The following KCNC3 variants were observed in gnomAD, a reference collection of about 807,000 sequenced individuals.
The protein encoded by KCNC3 is voltage-gated potassium channel KCNC3.
KCNC3 carries 22 observed loss-of-function variants against 43.9 expected under a neutral mutation model. The observed-to-expected ratio is 0.50, with a 90% CI of 0.36 to 0.72. KCNC3 has a LOEUF of 0.72. Ranked by LOEUF, KCNC3 falls within the 30% of genes least tolerant of loss-of-function variation. KCNC3 has a pLI of 0.00. For missense variants in KCNC3, 829 were observed against 1,073.8 expected, an observed-to-expected ratio of 0.77 and a Z score of 3.19; for synonymous variants, 492 against 488.0, an observed-to-expected ratio of 1.01 and a Z score of -0.11.
intron 4 of KCNC3, among the ~76,000 whole-genome samples, chr19:50,317,060 C>T (rs1402336091): frequency 6.6e-6 from 1 of 151,430 alleles, no homozygotes; most frequent in African/African-American, 2.4e-5. Context: ...ACACCCTCTC[C>T]CCCTCAATCC....
intron 4 of KCNC3, among the ~76,000 whole-genome samples, chr19:50,317,283 G>A (rs556033302): frequency 4.6e-4 from 70 of 152,180 alleles, no homozygotes; most frequent in African/African-American, 1.5e-3. Context: ...CTAGGAGCCC[G>A]GAAGCCTGGG....
intron 1 of KCNC3, among the ~76,000 whole-genome samples, chr19:50,327,328 A>G (rs2037119170): frequency 6.6e-6 from 1 of 152,100 alleles, no homozygotes; most frequent in African/African-American, 2.4e-5. Context: ...TTATGGGGAA[A>G]GTCCTTGAGA....
chr19:50,329,128 C>A lies in KCNC3; in HGVS notation c.-46G>T, dbSNP rs1391646763. The A allele has an allele frequency of 4.4e-5, 17 of 386,596 alleles. No individual in the cohort carries two copies. The highest frequency in any genetic ancestry group is 1.2e-4 in the Admixed American group (2 of 17,090). 23.9% of individuals were successfully genotyped at this position (386,596 alleles called of 1,614,324 possible). A position where few individuals can be genotyped will look rare whatever the true frequency, so the allele number is the denominator to read the frequency against. ...AGGGGCGGGGACGCAGGGGCGGGGA[C>A]ACGGGGGGAGAGACCGACGGGATTG... On this transcript the variant is annotated 5_prime_UTR_variant, in exon 1 of 5. Transcript: ENST00000477616.
At position 50,324,091 on chromosome 19, in the gene KCNC3, CAGGG is replaced by C. The variant is rs528774297; in HGVS notation, c.871-13_871-10del. On this transcript the variant is annotated splice_polypyrimidine_tract_variant and intron_variant, in intron 1 of 4. Coordinates refer to ENST00000477616, the MANE Select transcript of KCNC3 (RefSeq NM_004977.3). The surrounding 1 kb of genome is among the most constrained non-coding windows in gnomAD (Gnocchi z 4.1). ...GAGGCGAAGGCCACATACTGCAGGG[CAGGG>C]AGGGAGAGAGAGGGGGAGAGGTGAC... 92 of 1,582,088 alleles carry C rather than the reference CAGGG, an allele frequency of 5.8e-5. No individual in the cohort carries two copies. The Admixed American group carries it at 7.5e-4, about 13-fold the overall frequency.
In KCNC3 at chr19:50,315,045, G is replaced by T; in HGVS notation, c.*1070C>A. On this transcript the variant is annotated 3_prime_UTR_variant, in exon 5 of 5. Coordinates refer to ENST00000477616, the MANE Select transcript of KCNC3 (RefSeq NM_004977.3). ...GGGGGAAGCACGAAGATGGGGTGCAGGGAAGGGTCAGACAGAGAGACCCAA... is the reference window on the plus strand; with the variant it reads ...GGGGGAAGCACGAAGATGGGGTGCATGGAAGGGTCAGACAGAGAGACCCAA... The T allele has an allele frequency of 4.2e-6, 1 of 237,520 alleles. No homozygotes were observed. Among genetic ancestry groups the T allele is most frequent in the South Asian group, 4.1e-5 (1 of 24,644 alleles). The allele number at this position is 237,520 out of a possible 1,614,324, so 14.7% of individuals were successfully genotyped here. A position where few individuals can be genotyped will look rare whatever the true frequency, so the allele number is the denominator to read the frequency against.
rs894005771 is a variant in KCNC3, at chr19:50,313,932, T to G, written c.*2183A>C. The G allele has an allele frequency of 6.6e-6, 1 of 151,618 alleles. No homozygotes were observed. The highest frequency in any genetic ancestry group is 1.5e-5 in the Non-Finnish European group (1 of 67,916). The allele number at this position is 151,618 out of a possible 1,614,324, so 9.4% of individuals were successfully genotyped here. On this transcript the variant is annotated 3_prime_UTR_variant, in exon 5 of 5. Transcript: ENST00000477616. ...GTGCAGAGGTTAAGTCGCAGGAGTG[T>G]GTGGGGATTGGGAGATGTGGCGTGC... is the stretch of plus-strand genomic sequence containing the variant.
rs1568573977 is a variant in KCNC3, at chr19:50,328,828, G to GCCA, written c.252_254dup (p.Gly85dup). 6 of 1,494,438 alleles carry GCCA rather than the reference G, an allele frequency of 4.0e-6. No individual in the cohort carries two copies. In the South Asian group the frequency reaches 5.0e-5, roughly 12 times the overall value. The allele number at this position is 1,494,438 out of a possible 1,614,324, so 92.6% of individuals were successfully genotyped here. On this transcript the variant is annotated inframe_insertion, in exon 1 of 5. Coordinates refer to ENST00000477616, the MANE Select transcript of KCNC3 (RefSeq NM_004977.3). ...CGTTGATCACGATCTTGCCGCTGTCGCCACCGCCGCCGCCGTGCCGCCCCA... is the reference window on the plus strand; with the variant it reads ...CGTTGATCACGATCTTGCCGCTGTCGCCACCACCGCCGCCGCCGTGCCGCCCCA...
Position 50,312,906 on chromosome 19 carries a change from G to A in KCNC3, c.*3209C>T, listed in dbSNP as rs917970548. 3.6e-4 allele frequency: 55 copies of A among 151,664 alleles called. No individual in the cohort carries two copies. Among genetic ancestry groups the A allele is most frequent in the African/African-American group, 1.3e-3 (53 of 41,312 alleles). The allele number at this position is 151,664 out of a possible 1,614,324, so 9.4% of individuals were successfully genotyped here. A position where few individuals can be genotyped will look rare whatever the true frequency, so the allele number is the denominator to read the frequency against. ...AAAACCCGCCCCACCCCTCACCCCT[G>A]CTTCACCAGGGTTTAGGGTCCGAGG... On this transcript the variant is annotated 3_prime_UTR_variant, in exon 5 of 5. Coordinates refer to ENST00000477616, the MANE Select transcript of KCNC3 (RefSeq NM_004977.3).
At chr19:50,326,772 T>G (rs1307469983) in intron 1 of KCNC3, among the ~76,000 whole-genome samples, 2 of 151,970 alleles carry the variant, frequency 1.3e-5, no homozygotes, top group Non-Finnish European at 2.9e-5. Flanking sequence ...TCATTTAGCC[T>G]AGGAAGTTAT....
Position 50,320,523 on chromosome 19 carries a change from CT to C in KCNC3, c.2170+69del, listed in dbSNP as rs1187341838. 2.3e-5 allele frequency: 34 copies of C among 1,461,514 alleles called. No homozygotes were observed. In the East Asian group the frequency reaches 5.8e-4, roughly 25 times the overall value. 90.5% of individuals were successfully genotyped at this position (1,461,514 alleles called of 1,614,324 possible). A position where few individuals can be genotyped will look rare whatever the true frequency, so the allele number is the denominator to read the frequency against. ...GTCCACCGCCTCCTCCCCCATCCCC[CT>C]CTCCTCCCTCCCCTGGGCAGGGGAG... On this transcript the variant is annotated intron_variant, in intron 3 of 4. Coordinates refer to ENST00000477616, the MANE Select transcript of KCNC3 (RefSeq NM_004977.3).
At chr19:50,325,794 C>G (rs116240943) in intron 1 of KCNC3, among the ~76,000 whole-genome samples, 4,998 of 151,574 alleles carry the variant, frequency 0.033, 318 homozygotes, top group African/African-American at 0.12. Context: ...GCAGCCGCAG[C>G]GGCTAGGGGC....
chr19:50,324,359 C>T lies in KCNC3; in HGVS notation c.871-277G>A, dbSNP rs1396062250. On this transcript the variant is annotated intron_variant, in intron 1 of 4. Transcript: ENST00000477616. This position sits in a 1 kb window ranked among gnomAD's most constrained non-coding sequence, Gnocchi z 4.1. ...GCAGCTTCTTTCCTTGGAAACATTT[C>T]TGGCCCCTTGCTGTTTCCTAGACCA... 1.3e-5 allele frequency among the ~76,000 whole-genome samples: 2 copies of T among 152,218 alleles called. No homozygotes were observed. Among genetic ancestry groups the T allele is most frequent in the Non-Finnish European group, 2.9e-5 (2 of 68,034 alleles).
rs2037132263 is a variant in KCNC3 at position 50,328,333 on chromosome 19, C to G, written c.750G>C (p.Ala250=). 1.7e-6 allele frequency: 2 copies of G among 1,147,446 alleles called. No homozygotes were observed. The highest frequency in any genetic ancestry group is 2.1e-6 in the Non-Finnish European group (2 of 936,558). The allele number at this position is 1,147,446 out of a possible 1,614,324, so 71.1% of individuals were successfully genotyped here. The part of the protein sequence containing the change: ...GELKRLCFQD[A]GGGAGGPPGG... ...CTGGCGGCCCCCCGGCGCCGCCGCC[C>G]GCGTCCTGGAAGCAGAGGCGCTTGA... The change falls in exon 1 of 5, where the codon GCG becomes GCC. Residue 250 remains alanine (A), a synonymous_variant. Coordinates refer to ENST00000477616, the MANE Select transcript of KCNC3 (RefSeq NM_004977.3).
Position 50,324,916 on chromosome 19 carries a change from G to A in KCNC3, c.871-834C>T, listed in dbSNP as rs2037084030. On this transcript the variant is annotated intron_variant, in intron 1 of 4. Coordinates refer to ENST00000477616, the MANE Select transcript of KCNC3 (RefSeq NM_004977.3). This position sits in a 1 kb window ranked among gnomAD's most constrained non-coding sequence, Gnocchi z 4.1. The stretch of plus-strand genomic sequence containing the variant: ...TTGAAGGGTTAAGCCTGCAAAAATG[G>A]AAGAGGAGATAAAAGAGGAGAGTCA... Among the ~76,000 whole-genome samples, 1 of 152,134 alleles carries A rather than the reference G, an allele frequency of 6.6e-6. No individual in the cohort carries two copies. The highest frequency in any genetic ancestry group is 1.5e-5 in the Non-Finnish European group (1 of 68,026).
At chr19:50,318,991 C>CAAAAAAAAAAAAAA (rs11326559) in intron 4 of KCNC3, among the ~76,000 whole-genome samples, 2 of 71,456 alleles carry the variant, frequency 2.8e-5, no homozygotes, top group Non-Finnish European at 4.8e-5. Context: ...AAGACAGTCT[C>CAAAAAAAAAAAAAA]AAAAAAAAAA....
chr19:50,328,922 C>A lies in KCNC3; in HGVS notation c.161G>T (p.Gly54Val). The change falls in exon 1 of 5, where the codon GGC (glycine) becomes GTC (valine). Residue 54 changes from glycine to valine, a missense_variant. Physicochemically the swap from Gly to Val is moderately radical, Grantham distance 109. This residue lies in a region of KCNC3 where 129 missense variants were observed against 83.6 expected (regional missense o/e 1.54). Transcript: ENST00000477616. The part of the protein sequence containing the change: ...AQPGPAASPA[G>V]PPAPRGPGDR... Reference sequence around the variant, plus strand: ...CCCGGGCCCGCGGGGTGCCGGGGGGCCCGCCGGGGACGCGGCGGGGCCGGG... The same window carrying A: ...CCCGGGCCCGCGGGGTGCCGGGGGGACCGCCGGGGACGCGGCGGGGCCGGG... The A allele has an allele frequency of 1.1e-6, 1 of 871,442 alleles. No homozygotes were observed. Among genetic ancestry groups the A allele is most frequent in the Non-Finnish European group, 1.4e-6 (1 of 727,718 alleles). The allele number at this position is 871,442 out of a possible 1,614,324, so 54.0% of individuals were successfully genotyped here.
chr19:50,327,742 T>A (rs2037123278), intron 1 of KCNC3, among the ~76,000 whole-genome samples: 1 of 151,542 alleles, frequency 6.6e-6, no homozygotes, highest in Admixed American at 6.6e-5. Flanking sequence ...ATTTGAGGGC[T>A]GAGAAGGGAT....
upstream of KCNC3, among the ~76,000 whole-genome samples, chr19:50,331,019 G>T (rs1354066255): frequency 6.6e-6 from 1 of 152,050 alleles, no homozygotes; most frequent in African/African-American, 2.4e-5. Context: ...CCTGCTGCAG[G>T]TGCGGCGGCT....
intron 2 of KCNC3, among the ~76,000 whole-genome samples, chr19:50,321,852 T>G (rs1601096698): frequency 6.0e-4 from 81 of 134,170 alleles, no homozygotes; most frequent in South Asian, 1.2e-3. Flanking sequence ...TGTTGGGGGG[T>G]GGTTGGCTGG....
Sources: gnomAD v4.1 joint callset for allele counts (sites outside exome capture counted in the v4.1 genomes callset) on GRCh38, gnomAD v4.1.1 for gene constraint, gnomAD v4.1.1 regional missense constraint, Gnocchi (gnomAD v3.1) non-coding constraint, MANE v1.5 for transcripts, NCBI Gene and HGNC (gene_info 2026-07-23, HGNC 2026-07-21) for gene names.